HNRNPU: variants seen among roughly 807,000 people sequenced by gnomAD.
The protein encoded by HNRNPU is HNRNPU antisense RNA 1.
HNRNPU carries 5 observed loss-of-function variants against 94.7 expected under a neutral mutation model. The observed-to-expected ratio is 0.05, with a 90% CI of 0.03 to 0.11. HNRNPU has a LOEUF of 0.11. HNRNPU is among the 10% of genes least tolerant of loss of function. The pLI is 1.00. For synonymous variants in HNRNPU, 434 were observed against 381.6 expected (o/e 1.14, Z -1.60); for missense variants, 710 against 1,049.2 (o/e 0.68, Z 4.47).
rs772372487 is a variant in HNRNPU at position 244,860,352 on chromosome 1, C to T, written c.1000G>A (p.Val334Met). ...RASYGVSKGK[V>M]CFEMKVTEKI... ...GCATTTACCTTCATCTCAAAACACA[C>T]TTTGCCTTTTGACACACCATAGGAT... The change falls in exon 4 of 14, where the codon GTG becomes ATG. Residue 334 changes from valine to methionine, a missense_variant. By Grantham distance (21) the Val-to-Met change is conservative. Around this residue, in one of 8 missense-constraint regions of HNRNPU, gnomAD observed 31 missense variants for 86.8 expected, o/e 0.36. Coordinates refer to ENST00000640218, the MANE Select transcript of HNRNPU (RefSeq NM_031844.3). The T allele has an allele frequency of 1.2e-6, 2 of 1,608,250 alleles. No individual in the cohort carries two copies. Among genetic ancestry groups the T allele is most frequent in the East Asian group, 4.5e-5 (2 of 44,832 alleles).
rs1201749229 is a variant in HNRNPU, at chr1:244,864,142, C to T, written c.166G>A (p.Gly56Arg). The T allele has an allele frequency of 1.2e-6, 2 of 1,603,296 alleles. No individual in the cohort carries two copies. Among genetic ancestry groups the T allele is most frequent in the Non-Finnish European group, 1.7e-6 (2 of 1,175,290 alleles). The change falls in exon 1 of 14, where the codon GGG becomes AGG. Residue 56 changes from glycine to arginine, a missense_variant. Transcript: ENST00000640218. ...EAGGRPAMEP[G>R]NGSLDLGGDS... Reference sequence around the variant, plus strand: ...CCGCCCAGGTCTAGGCTGCCGTTCCCGGGCTCCATGGCGGGGCGGCCCCCG... The same window carrying T: ...CCGCCCAGGTCTAGGCTGCCGTTCCTGGGCTCCATGGCGGGGCGGCCCCCG...
Position 244,854,019 on chromosome 1 carries a change from T to C in HNRNPU, c.*431A>G. The C allele has an allele frequency of 4.8e-6, 1 of 206,840 alleles. No individual in the cohort carries two copies. The highest frequency in any genetic ancestry group is 9.7e-6 in the Non-Finnish European group (1 of 103,488). 12.8% of individuals were successfully genotyped at this position (206,840 alleles called of 1,614,324 possible). ...TCTTAATGCAATTCATGAGGACCAC[T>C]TAGTCCTTACATGAATCTGGTTGCT... On this transcript the variant is annotated 3_prime_UTR_variant, in exon 14 of 14. Coordinates refer to ENST00000640218, the MANE Select transcript of HNRNPU (RefSeq NM_031844.3).
In HNRNPU at chr1:244,860,219, T is replaced by C. The variant is rs938646367; in HGVS notation, c.1017+116A>G. The C allele has an allele frequency of 6.1e-5, 47 of 772,468 alleles. 1 individual carries two copies. Among genetic ancestry groups the C allele is most frequent in the Middle Eastern group, 2.4e-4 (1 of 4,222 alleles). The allele number at this position is 772,468 out of a possible 1,614,324, so 47.9% of individuals were successfully genotyped here. ...AGAGACTGAAGCAAGGAGAATCGCT[T>C]GAACCCAGGACGCGGAGGTTGCAGT... On this transcript the variant is annotated intron_variant, in intron 4 of 13. Transcript: ENST00000640218.
intron 11 of HNRNPU, 139 bp downstream of exon 11, chr1:244,855,765 T>C: frequency 8.0e-7 from 1 of 1,251,866 alleles, no homozygotes; most frequent in Non-Finnish European, 1.1e-6. Context: ...TAGGTGTATT[T>C]AATATCAAAT....
chr1:244,863,249 G>T, intron 1 of HNRNPU: 1 of 191,922 alleles, frequency 5.2e-6, no homozygotes, highest in Non-Finnish European at 1.0e-5. Flanking sequence ...CGAGACATGT[G>T]CCCGCACCGC....
rs1413406143 is a variant in HNRNPU at position 244,856,556 on chromosome 1, C to T, written c.1813G>A (p.Val605Ile). 6.2e-7 allele frequency: 1 copy of T among 1,614,126 alleles called. No individual in the cohort carries two copies. Among genetic ancestry groups the T allele is most frequent in the Non-Finnish European group, 8.5e-7 (1 of 1,180,002 alleles). ...LFAGFQRKAV[V>I]VCPKDEDYKQ... The stretch of plus-strand genomic sequence containing the variant: ...TAGTCTTCATCTTTTGGGCAAACTA[C>T]AACAGCTTTTCGCTGGAAGCCTGCA... The change falls in exon 10 of 14, where the codon GTA becomes ATA. Residue 605 changes from valine (V) to isoleucine (I), a missense_variant. By Grantham distance (29) the Val-to-Ile change is conservative. Coordinates refer to ENST00000640218, the MANE Select transcript of HNRNPU (RefSeq NM_031844.3).
In HNRNPU at chr1:244,862,541, G is replaced by C. The variant is rs370940607; in HGVS notation, c.804-7C>G. 4 of 1,613,388 alleles carry C rather than the reference G, an allele frequency of 2.5e-6. No homozygotes were observed. Among genetic ancestry groups the C allele is most frequent in the Non-Finnish European group, 3.4e-6 (4 of 1,179,336 alleles). On this transcript the variant is annotated splice_polypyrimidine_tract_variant and splice_region_variant and intron_variant, in intron 2 of 13. Transcript: ENST00000640218. ...TGGCTGAGGAGATTTGGCTCTGAAA[G>C]ACAGAATTGTCTCCTGATACAGCTT...
At chr1:244,861,591 C>G (rs770230757) in intron 3 of HNRNPU, 2 of 152,112 alleles carry the variant, frequency 1.3e-5, no homozygotes, top group Non-Finnish European at 2.9e-5. Context: ...TACAAGAAAA[C>G]ATGAGAAGCT....
chr1:244,858,491 A>AGAAG, intron 6 of HNRNPU: 1 of 609,092 alleles, frequency 1.6e-6, no homozygotes, highest in Admixed American at 3.2e-5. Flanking sequence ...TAGAAGCTAG[A>AGAAG]CTGAATTTTC....
At position 244,854,516 on chromosome 1, in the gene HNRNPU, ATTTTG is replaced by A; in HGVS notation, c.2425-18_2425-14del. 6.3e-7 allele frequency: 1 copy of A among 1,594,716 alleles called. No homozygotes were observed. The highest frequency in any genetic ancestry group is 8.6e-7 in the Non-Finnish European group (1 of 1,163,396). ...GACCCCAGAATTGCTGTAAGAGAAA[ATTTTG>A]TTTTTAAAGAAAAAACATCAATAAG... On this transcript the variant is annotated splice_polypyrimidine_tract_variant and intron_variant, in intron 13 of 13. Transcript: ENST00000640218.
At chr1:244,857,761 C>G in intron 7 of HNRNPU, 44 bp from the exon 8 acceptor site, 1 of 1,593,176 alleles carries the variant, frequency 6.3e-7, no homozygotes, top group South Asian at 1.1e-5. Flanking sequence ...CAGTAGACAC[C>G]ACCTAATAAT....
rs973383008 is a variant in HNRNPU, at chr1:244,856,584, C to T, written c.1785G>A (p.Leu595=). The change falls in exon 10 of 14, where the codon CTG becomes CTA. Residue 595 remains leucine (L), a synonymous_variant. Coordinates refer to ENST00000640218, the MANE Select transcript of HNRNPU (RefSeq NM_031844.3). ...CAGCTTTTCGCTGGAAGCCTGCAAA[C>T]AGGCACATTTTTCTCCTCTGGGCAG... ...SAAAQRRKMC[L]FAGFQRKAVV... is the part of the protein sequence containing the mutation. The T allele has an allele frequency of 1.2e-6, 2 of 1,614,110 alleles. No individual in the cohort carries two copies. Among genetic ancestry groups the T allele is most frequent in the African/African-American group, 1.3e-5 (1 of 75,038 alleles).
chr1:244,856,299 G>A (rs905453475), intron 10 of HNRNPU, 141 bp from the exon 11 acceptor site: 1 of 1,137,884 alleles, frequency 8.8e-7, no homozygotes. Context: ...TGTAACAACT[G>A]CAATTTTAAT....
At position 244,864,338 on chromosome 1, in the gene HNRNPU, G is replaced by A. The variant is rs1159554737; in HGVS notation, c.-31C>T. On this transcript the variant is annotated 5_prime_UTR_variant, in exon 1 of 14. Transcript: ENST00000640218. ...GGGCCCCGATTCACCGCTAGGCGCT[G>A]CCTCAAACTCGGCTCCGCTCACTCG... 1.9e-6 allele frequency: 3 copies of A among 1,605,952 alleles called. No homozygotes were observed. Among genetic ancestry groups the A allele is most frequent in the Admixed American group, 1.7e-5 (1 of 57,412 alleles).
In HNRNPU at chr1:244,853,410, A is replaced by C. The variant is rs1373748077; in HGVS notation, c.*1040T>G. Reference sequence around the variant, plus strand: ...GAGTAAAATGAATTCTTTTTATTGCAAACAAACGTCTAAATTAATTTCTCC... The same window carrying C: ...GAGTAAAATGAATTCTTTTTATTGCCAACAAACGTCTAAATTAATTTCTCC... On this transcript the variant is annotated 3_prime_UTR_variant, in exon 14 of 14. Transcript: ENST00000640218. 6.6e-6 allele frequency: 1 copy of C among 152,578 alleles called. No individual in the cohort carries two copies. The highest frequency in any genetic ancestry group is 2.4e-5 in the African/African-American group (1 of 41,448). The allele number at this position is 152,578 out of a possible 1,614,324, so 9.5% of individuals were successfully genotyped here.
intron 3 of HNRNPU, chr1:244,860,738 G>A (rs1170340137): frequency 1.9e-6 from 1 of 523,116 alleles, no homozygotes; most frequent in East Asian, 3.2e-5. Context: ...AAATAATCAA[G>A]ACAATGTGAC....
At chr1:244,862,983 C>A (rs1195315777) in intron 1 of HNRNPU, 2 of 527,060 alleles carry the variant, frequency 3.8e-6, no homozygotes, top group African/African-American at 3.9e-5. Flanking sequence ...GCGGCCCAGG[C>A]CCGAAGCCCA....
chr1:244,861,326 T>C (rs1459423149), intron 3 of HNRNPU: 2 of 152,252 alleles, frequency 1.3e-5, no homozygotes, highest in African/African-American at 2.4e-5. Context: ...TATATTGACA[T>C]ATTCCTGATT....
chr1:244,854,179 C>T lies in HNRNPU; in HGVS notation c.*271G>A. The T allele has an allele frequency of 3.4e-6, 1 of 293,072 alleles. No homozygotes were observed. Among genetic ancestry groups the T allele is most frequent in the Non-Finnish European group, 6.3e-6 (1 of 158,902 alleles). The allele number at this position is 293,072 out of a possible 1,614,324, so 18.2% of individuals were successfully genotyped here. On this transcript the variant is annotated 3_prime_UTR_variant, in exon 14 of 14. Coordinates refer to ENST00000640218, the MANE Select transcript of HNRNPU (RefSeq NM_031844.3). ...TGTTGTGATAAAAAAAAAAAAAAGT[C>T]ACATTTTACAGATAAAATGTAGAAC...
Sources: allele counts gnomAD v4.1 joint callset, GRCh38; gene constraint gnomAD v4.1.1; regional missense constraint gnomAD v4.1.1; transcripts MANE v1.5; gene names NCBI Gene and HGNC (gene_info 2026-07-23, HGNC 2026-07-21).